The following SGCZ variants were observed in gnomAD, a reference collection of about 807,000 sequenced individuals.
SGCZ encodes sarcoglycan zeta.
In SGCZ, 40 loss-of-function variants were observed where a neutral mutation model predicts 41.3. The ratio of observed to expected loss-of-function variants is 0.97; its 90% CI spans 0.75 to 1.26. The LOEUF is 1.26. Among genes scored for constraint, SGCZ ranks in the 50% most tolerant of loss-of-function variants. SGCZ has a pLI of 0.00. For synonymous variants in SGCZ, 206 were observed against 137.5 expected (o/e 1.50, Z -3.49); for missense variants, 552 against 369.8 (o/e 1.49, Z -4.04).
chr8:14,090,592 C>T lies in SGCZ; in HGVS notation c.790G>A (p.Gly264Ser), dbSNP rs763203995. 1 of 1,612,552 alleles carries T rather than the reference C, an allele frequency of 6.2e-7. No homozygotes were observed. The highest frequency in any genetic ancestry group is 2.2e-5 in the East Asian group (1 of 44,828). Residue 264 changes from glycine (G) to serine (S), a missense_variant, in exon 8 of 8, where the codon GGC (glycine) becomes AGC (serine). Gly to Ser is a moderately conservative substitution (Grantham distance 56). Transcript: ENST00000382080. Reference sequence around the variant, plus strand: ...CTGGGTGAAGAAGATGAGAAGGAGCCAGTTGGTAGATTTCCCAGCTTGATT... The same window carrying T: ...CTGGGTGAAGAAGATGAGAAGGAGCTAGTTGGTAGATTTCCCAGCTTGATT... The part of the protein sequence containing the change: ...ETIKLGNLPT[G>S]SFSSSSPSSS...
At chr8:14,312,726 G>A (rs1003056205) in intron 3 of SGCZ, among the ~76,000 whole-genome samples, 2 of 151,884 alleles carry the variant, frequency 1.3e-5, no homozygotes, top group African/African-American at 2.4e-5. Flanking sequence ...GAAGAGGAAG[G>A]GAAATAACAC....
intron 2 of SGCZ, among the ~76,000 whole-genome samples, chr8:14,551,571 T>TATATATAATATATATA (rs1803855792): frequency 1.3e-3 from 21 of 16,132 alleles, no homozygotes; most frequent in Admixed American, 2.1e-3. Flanking sequence ...ATATATATAA[T>TATATATAATATATATA]ATATATATAA....
At chr8:14,973,414 G>T (rs1418180464) in intron 1 of SGCZ, among the ~76,000 whole-genome samples, 1 of 152,154 alleles carries the variant, frequency 6.6e-6, no homozygotes, top group Non-Finnish European at 1.5e-5. Context: ...GTGGGCCCAT[G>T]CTTTTCTCAC....
intron 1 of SGCZ, among the ~76,000 whole-genome samples, chr8:14,799,788 C>T (rs937292709): frequency 2.0e-5 from 3 of 152,064 alleles, no homozygotes; most frequent in African/African-American, 4.8e-5. Context: ...GCCTACTTCT[C>T]GCTGGCCTGC....
intron 3 of SGCZ, among the ~76,000 whole-genome samples, chr8:14,307,023 C>T (rs1196218766): frequency 6.6e-6 from 1 of 152,012 alleles, no homozygotes; most frequent in Non-Finnish European, 1.5e-5. Context: ...AGAATATTTG[C>T]ACTAATTTGC....
intron 1 of SGCZ, among the ~76,000 whole-genome samples, chr8:15,038,674 C>A (rs541302812): frequency 6.6e-6 from 1 of 151,668 alleles, no homozygotes; most frequent in African/African-American, 2.4e-5. Flanking sequence ...TAAGACAACC[C>A]AGAGAATGGT....
chr8:14,573,077 T>G (rs1804602831), intron 1 of SGCZ, among the ~76,000 whole-genome samples: 1 of 152,098 alleles, frequency 6.6e-6, no homozygotes, highest in African/African-American at 2.4e-5. Context: ...GTACTACTGG[T>G]GGTAGGTAGT....
At chr8:14,231,345 T>C (rs1806565208) in intron 4 of SGCZ, among the ~76,000 whole-genome samples, 1 of 151,872 alleles carries the variant, frequency 6.6e-6, no homozygotes, top group Non-Finnish European at 1.5e-5. Context: ...TTAAGAGTCT[T>C]AGGGAAGGTC....
chr8:15,060,794 G>C (rs1216354133), intron 1 of SGCZ, among the ~76,000 whole-genome samples: 2 of 151,630 alleles, frequency 1.3e-5, no homozygotes, highest in Admixed American at 6.6e-5. Context: ...TTTTGTTTTT[G>C]TTGTTTTAGC....
intron 1 of SGCZ, among the ~76,000 whole-genome samples, chr8:15,129,018 C>T (rs555841232): frequency 6.6e-6 from 1 of 152,314 alleles, no homozygotes; most frequent in Non-Finnish European, 1.5e-5. Flanking sequence ...CTTTTGAGAC[C>T]TACCAGATCT....
intron 1 of SGCZ, among the ~76,000 whole-genome samples, chr8:15,115,553 G>A (rs931418175): frequency 1.1e-4 from 17 of 152,158 alleles, no homozygotes; most frequent in African/African-American, 3.9e-4. Flanking sequence ...AACTTGAATT[G>A]AAAACATATG....
chr8:15,127,936 C>T (rs1807764198), intron 1 of SGCZ, among the ~76,000 whole-genome samples: 1 of 152,098 alleles, frequency 6.6e-6, no homozygotes, highest in East Asian at 1.9e-4. Context: ...TTTAACTATG[C>T]TTTCCCCATA....
At chr8:14,251,020 G>C (rs576400106) in intron 3 of SGCZ, among the ~76,000 whole-genome samples, 1 of 152,248 alleles carries the variant, frequency 6.6e-6, no homozygotes, top group East Asian at 1.9e-4. Flanking sequence ...CTGAGGTCAG[G>C]AGCTCAAGAC....
chr8:14,480,696 T>A (rs1406635568), intron 2 of SGCZ, among the ~76,000 whole-genome samples: 1 of 152,088 alleles, frequency 6.6e-6, no homozygotes, highest in Non-Finnish European at 1.5e-5. Context: ...ACTTCTTGAA[T>A]ATTAAAGACA....
At chr8:15,035,680 C>T (rs1328204671) in intron 1 of SGCZ, among the ~76,000 whole-genome samples, 1 of 151,862 alleles carries the variant, frequency 6.6e-6, no homozygotes, top group Non-Finnish European at 1.5e-5. Flanking sequence ...AAAAAGAAAA[C>T]AAGGTTAGCT....
chr8:14,351,871 A>G (rs111530765), intron 2 of SGCZ, among the ~76,000 whole-genome samples: 8 of 152,074 alleles, frequency 5.3e-5, no homozygotes, highest in African/African-American at 1.4e-4. Flanking sequence ...TAAGTAGATA[A>G]AGCTGGAATG....
intron 5 of SGCZ, among the ~76,000 whole-genome samples, chr8:14,110,235 G>A (rs921011180): frequency 1.3e-5 from 2 of 152,016 alleles, no homozygotes; most frequent in African/African-American, 2.4e-5. Flanking sequence ...CTGGCATTTT[G>A]TAATAAGATA....
chr8:14,470,882 A>G (rs1585558978), intron 2 of SGCZ, among the ~76,000 whole-genome samples: 1 of 152,284 alleles, frequency 6.6e-6, no homozygotes, highest in Middle Eastern at 3.4e-3. Flanking sequence ...ACTGGCACTG[A>G]GACACAATAA....
Position 14,722,475 on chromosome 8 carries a change from C to T in SGCZ, c.40-167549G>A, listed in dbSNP as rs574130743. Among the ~76,000 whole-genome samples, 3 of 151,882 alleles carry T rather than the reference C, an allele frequency of 2.0e-5. No homozygotes were observed. In the East Asian group the frequency reaches 5.8e-4, roughly 29 times the overall value. On this transcript the variant is annotated intron_variant, in intron 1 of 7. Transcript: ENST00000382080. The stretch of plus-strand genomic sequence containing the variant: ...ATTATTATAATAAAACAAAATATTG[C>T]AGGAATTTTCTTAATATGTTGACAT...
Sources: allele counts gnomAD v4.1 joint callset (sites outside exome capture counted in the v4.1 genomes callset), GRCh38; gene constraint gnomAD v4.1.1; transcripts MANE v1.5; gene names NCBI Gene and HGNC (gene_info 2026-07-23, HGNC 2026-07-21).